Variants in BTBD9 observed in about 807,000 individuals in gnomAD.
BTBD9 encodes the protein BTB/POZ domain-containing protein 9.
A neutral mutation model predicts 64.3 loss-of-function variants in BTBD9; 49 were observed. The ratio of observed to expected loss-of-function variants is 0.76; its 90% CI spans 0.61 to 0.97. The LOEUF (loss-of-function observed/expected upper bound fraction) is 0.97. Ranked by LOEUF, BTBD9 falls within the 50% of genes least tolerant of loss-of-function variation. The pLI, the probability that BTBD9 is intolerant of heterozygous loss-of-function variation, is 0.00. For missense variants in BTBD9, 598 were observed against 762.1 expected (o/e 0.78, Z 2.53); for synonymous variants, 260 against 274.7 (o/e 0.95, Z 0.53).
chr6:38,307,422 T>A (rs1762666092), intron 7 of BTBD9, among the ~76,000 whole-genome samples: 1 of 152,354 alleles, frequency 6.6e-6, no homozygotes, highest in East Asian at 1.9e-4. Context: ...CCATGGGTTA[T>A]ATATAGCATA....
chr6:38,331,309 T>G (rs938082694), intron 7 of BTBD9, among the ~76,000 whole-genome samples: 11 of 152,080 alleles, frequency 7.2e-5, no homozygotes, highest in Admixed American at 1.3e-4. Flanking sequence ...TGAAACCCTA[T>G]CTCTATTAAA....
chr6:38,447,874 A>G (rs1422536087), intron 6 of BTBD9, among the ~76,000 whole-genome samples: 2 of 152,244 alleles, frequency 1.3e-5, no homozygotes, highest in African/African-American at 4.8e-5. Context: ...GTGGGATACA[A>G]AAAGTAAATT....
In BTBD9 at chr6:38,297,501, G is replaced by C. The variant is rs896996575; in HGVS notation, c.1265-9040C>G. ...TCTTAGAAATTATATCTTCCTGGTAGATTGAACCTTTCATCATTATGTATT... is the reference window on the plus strand; with the variant it reads ...TCTTAGAAATTATATCTTCCTGGTACATTGAACCTTTCATCATTATGTATT... On this transcript the variant is annotated intron_variant, in intron 7 of 10. Coordinates refer to ENST00000481247, the MANE Select transcript of BTBD9 (RefSeq NM_001099272.2). Among the ~76,000 whole-genome samples the C allele has an allele frequency of 7.6e-4, 115 of 152,150 alleles. 1 individual carries two copies. The highest frequency in any genetic ancestry group is 3.9e-4 in the Admixed American group (6 of 15,272).
intron 6 of BTBD9, among the ~76,000 whole-genome samples, chr6:38,346,924 T>C (rs907419242): frequency 1.3e-5 from 2 of 152,200 alleles, no homozygotes; most frequent in African/African-American, 4.8e-5. Context: ...CGCTATTCTC[T>C]AGCTCAAGTC....
intron 10 of BTBD9, among the ~76,000 whole-genome samples, chr6:38,186,853 A>G (rs535385948): frequency 3.3e-5 from 5 of 152,150 alleles, no homozygotes; most frequent in Non-Finnish European, 2.9e-5. Context: ...CTTTTCCTAC[A>G]GTCCTTTTTA....
At chr6:38,236,915 CTG>C (rs1351654847) in intron 9 of BTBD9, among the ~76,000 whole-genome samples, 1 of 152,208 alleles carries the variant, frequency 6.6e-6, no homozygotes, top group Non-Finnish European at 1.5e-5. Context: ...AAACAAAGAA[CTG>C]TGAGATGAGA....
intron 9 of BTBD9, among the ~76,000 whole-genome samples, chr6:38,246,719 A>T (rs188490456): frequency 3.1e-4 from 47 of 152,340 alleles, no homozygotes; most frequent in Non-Finnish European, 6.2e-4. Flanking sequence ...AGCATTTCAA[A>T]AGTGACAATT....
intron 4 of BTBD9, among the ~76,000 whole-genome samples, chr6:38,590,198 C>T (rs1032875346): frequency 6.6e-5 from 10 of 151,774 alleles, no homozygotes; most frequent in African/African-American, 2.4e-4. Context: ...GACAAGTAAA[C>T]AAAAATGTTT....
chr6:38,292,935 T>C (rs534427628), intron 7 of BTBD9, among the ~76,000 whole-genome samples: 2 of 152,310 alleles, frequency 1.3e-5, no homozygotes, highest in African/African-American at 4.8e-5. Context: ...AGGCCTTTCC[T>C]GCTTTCTCCT....
chr6:38,401,401 C>T (rs1456128810), intron 6 of BTBD9, among the ~76,000 whole-genome samples: 1 of 152,194 alleles, frequency 6.6e-6, no homozygotes, highest in East Asian at 1.9e-4. Context: ...ATTATCCAGT[C>T]TCAGGTAGTA....
At position 38,169,755 on chromosome 6, in the gene BTBD9, CA is replaced by C. The variant is rs1766673172; in HGVS notation, c.*5229del. The C allele has an allele frequency of 4.8e-5, 7 of 146,656 alleles. 1 individual carries two copies. Among genetic ancestry groups the C allele is most frequent in the South Asian group, 2.2e-4 (1 of 4,644 alleles). 9.1% of individuals were successfully genotyped at this position (146,656 alleles called of 1,614,324 possible). ...TAGCTCCTGGCTGCAGGGCCTCCTC[CA>C]CCCCCCCTCCCCCCCGCCCATTCAG... On this transcript the variant is annotated 3_prime_UTR_variant, in exon 11 of 11. Coordinates refer to ENST00000481247, the MANE Select transcript of BTBD9 (RefSeq NM_001099272.2).
intron 10 of BTBD9, chr6:38,179,595 A>T (rs1170936431): frequency 2.2e-6 from 1 of 456,688 alleles, no homozygotes; most frequent in Non-Finnish European, 4.4e-6. Flanking sequence ...TGCCCTCAGG[A>T]CCTCTCAGGC....
rs375006975 is a variant in BTBD9 at position 38,297,623 on chromosome 6, T to C, written c.1265-9162A>G. On this transcript the variant is annotated intron_variant, in intron 7 of 10. Coordinates refer to ENST00000481247, the MANE Select transcript of BTBD9 (RefSeq NM_001099272.2). ...TTTACATTGTCTACTATTTCCTTAG[T>C]ATCATGTCACTTTCTATTTTTCTGG... Among the ~76,000 whole-genome samples the C allele has an allele frequency of 8.5e-5, 13 of 152,306 alleles. No homozygotes were observed. The East Asian group carries it at 2.1e-3, about 25-fold the overall frequency.
chr6:38,184,984 C>T lies in BTBD9; in HGVS notation c.1641+7535G>A, dbSNP rs1159000247. On this transcript the variant is annotated intron_variant, in intron 10 of 10. Coordinates refer to ENST00000481247, the MANE Select transcript of BTBD9 (RefSeq NM_001099272.2). This position sits in a 1 kb window ranked among gnomAD's most constrained non-coding sequence, Gnocchi z 4.4. ...GACTTTCTGTCCTGCTGCTGTCGGC[C>T]CATGCAGATGCTCCTCTGACACGCT... Among the ~76,000 whole-genome samples, 2 of 152,118 alleles carry T rather than the reference C, an allele frequency of 1.3e-5. No individual in the cohort carries two copies. The highest frequency in any genetic ancestry group is 4.8e-5 in the African/African-American group (2 of 41,430).
At chr6:38,228,574 TA>T (rs145688853) in intron 9 of BTBD9, among the ~76,000 whole-genome samples, 18 of 147,182 alleles carry the variant, frequency 1.2e-4, no homozygotes, top group East Asian at 8.0e-4. Context: ...AAACGGCTCT[TA>T]AAAAAAAAAC....
intron 7 of BTBD9, among the ~76,000 whole-genome samples, chr6:38,321,475 G>C (rs1763227421): frequency 6.6e-6 from 1 of 152,170 alleles, no homozygotes; most frequent in African/African-American, 2.4e-5. Flanking sequence ...GAGGAAGAGG[G>C]GGAGGGAAGC....
intron 10 of BTBD9, among the ~76,000 whole-genome samples, chr6:38,189,883 A>G (rs1007462097): frequency 6.6e-6 from 1 of 151,888 alleles, no homozygotes; most frequent in African/African-American, 2.4e-5. Context: ...CATGTTAGCC[A>G]GGCTGGTCCC....
At chr6:38,333,841 A>C (rs750176090) in intron 7 of BTBD9, among the ~76,000 whole-genome samples, 1 of 152,230 alleles carries the variant, frequency 6.6e-6, no homozygotes, top group East Asian at 1.9e-4. Context: ...TGCCATTGCT[A>C]CAACGATACC....
chr6:38,391,640 T>C (rs951384945), intron 6 of BTBD9, among the ~76,000 whole-genome samples: 1 of 152,062 alleles, frequency 6.6e-6, no homozygotes, highest in Non-Finnish European at 1.5e-5. Flanking sequence ...TTTCTTTTTT[T>C]TTTTTTTTTA....
Sources: allele counts gnomAD v4.1 joint callset (sites outside exome capture counted in the v4.1 genomes callset), GRCh38; gene constraint gnomAD v4.1.1; non-coding constraint Gnocchi (gnomAD v3.1); transcripts MANE v1.5; gene names NCBI Gene and HGNC (gene_info 2026-07-23, HGNC 2026-07-21).